The following TNFSF4 variants were observed in gnomAD, a reference collection of about 807,000 sequenced individuals.
TNFSF4 encodes tumor necrosis factor ligand superfamily member 4.
Under a neutral mutation model 7.3 loss-of-function variants are expected in TNFSF4, and 4 were observed. The observed-to-expected ratio is 0.55, with a 90% confidence interval of 0.27 to 1.25. TNFSF4 has a LOEUF of 1.25. Among genes scored for constraint, TNFSF4 ranks in the 50% most tolerant of loss-of-function variants. TNFSF4 has a pLI of 0.12. For synonymous variants in TNFSF4, 76 were observed against 83.7 expected (o/e 0.91, Z 0.50); for missense variants, 181 against 208.8 (o/e 0.87, Z 0.82).
chr1:173,331,701 A>G, the TNFSF4 span, among the ~76,000 whole-genome samples: 61,485 of 152,066 alleles, frequency 0.4, 12,709 homozygotes, highest in East Asian at 0.6. Flanking sequence ...GCCTTAAGAT[A>G]AAGAGAAAAA....
rs1649167139 is a variant in TNFSF4 at position 173,185,099 on chromosome 1, G to A, written c.*1417C>T. The A allele has an allele frequency of 6.6e-6, 1 of 152,180 alleles. No individual in the cohort carries two copies. Among genetic ancestry groups the A allele is most frequent in the Admixed American group, 6.5e-5 (1 of 15,280 alleles). The allele number at this position is 152,180 out of a possible 1,614,324, so 9.4% of individuals were successfully genotyped here. On this transcript the variant is annotated 3_prime_UTR_variant, in exon 3 of 3. Transcript: ENST00000281834. ...TCTGGAGATTCTAGAGATAATTGTA[G>A]CACAGTACAATTCCTTGATAACACA...
the TNFSF4 span, among the ~76,000 whole-genome samples, chr1:173,345,209 G>A: frequency 5.3e-5 from 8 of 152,174 alleles, no homozygotes; most frequent in African/African-American, 1.9e-4. Context: ...GTTTCACAAG[G>A]AATAGGGTCA....
chr1:173,267,667 G>T, the TNFSF4 span, among the ~76,000 whole-genome samples: 1 of 152,142 alleles, frequency 6.6e-6, no homozygotes, highest in African/African-American at 2.4e-5. Context: ...GGAGATTACA[G>T]TTAAGCTGTC....
the TNFSF4 span, among the ~76,000 whole-genome samples, chr1:173,322,400 T>TG: frequency 2.0e-5 from 3 of 151,924 alleles, no homozygotes; most frequent in African/African-American, 4.8e-5. Context: ...ACCTAGATGA[T>TG]GGGGGGTGGA....
At chr1:173,262,487 C>T in the TNFSF4 span, among the ~76,000 whole-genome samples, 3 of 151,800 alleles carry the variant, frequency 2.0e-5, no homozygotes, top group African/African-American at 7.3e-5. Flanking sequence ...CCAGGGCAAT[C>T]AGGCGAGAGA....
At chr1:173,302,635 A>G in the TNFSF4 span, among the ~76,000 whole-genome samples, 1 of 151,956 alleles carries the variant, frequency 6.6e-6, no homozygotes, top group African/African-American at 2.4e-5. Context: ...TGTTTTTACA[A>G]TGTGGCTTCC....
the TNFSF4 span, among the ~76,000 whole-genome samples, chr1:173,394,707 T>C: frequency 6.6e-6 from 1 of 152,132 alleles, no homozygotes; most frequent in African/African-American, 2.4e-5. Context: ...AGACTTACAC[T>C]ATTATTTCCC....
the TNFSF4 span, among the ~76,000 whole-genome samples, chr1:173,445,596 G>A: frequency 6.6e-6 from 1 of 152,164 alleles, no homozygotes; most frequent in South Asian, 2.1e-4. Context: ...GAGTACTGGA[G>A]TAAGTCAGTA....
At chr1:173,347,472 T>C in the TNFSF4 span, among the ~76,000 whole-genome samples, 1 of 152,228 alleles carries the variant, frequency 6.6e-6, no homozygotes, top group African/African-American at 2.4e-5. Context: ...AATGAGACAG[T>C]CTTTCCCATG....
chr1:173,339,411 G>T, the TNFSF4 span, among the ~76,000 whole-genome samples: 2 of 151,816 alleles, frequency 1.3e-5, no homozygotes, highest in African/African-American at 4.8e-5. Flanking sequence ...AACAGCTAAA[G>T]GCAAAGGGAA....
chr1:173,430,205 G>A, the TNFSF4 span, among the ~76,000 whole-genome samples: 1 of 152,232 alleles, frequency 6.6e-6, no homozygotes, highest in African/African-American at 2.4e-5. Flanking sequence ...AGAAAGAACA[G>A]CTGCGCCAAA....
At chr1:173,362,719 C>A in the TNFSF4 span, 211 of 394,720 alleles carry the variant, frequency 5.3e-4, no homozygotes, top group African/African-American at 4.2e-3. Context: ...GTATTAATGA[C>A]AACTTCTTAC....
At chr1:173,428,460 G>C in the TNFSF4 span, among the ~76,000 whole-genome samples, 3 of 152,236 alleles carry the variant, frequency 2.0e-5, no homozygotes, top group South Asian at 6.2e-4. Context: ...GACATGGAAG[G>C]GGAATCTATG....
At chr1:173,289,090 G>A in the TNFSF4 span, among the ~76,000 whole-genome samples, 1 of 152,034 alleles carries the variant, frequency 6.6e-6, no homozygotes, top group Non-Finnish European at 1.5e-5. Flanking sequence ...TGTGAGTTGA[G>A]GGGAACAGGG....
chr1:173,298,520 C>T, the TNFSF4 span, among the ~76,000 whole-genome samples: 1 of 151,868 alleles, frequency 6.6e-6, no homozygotes, highest in Non-Finnish European at 1.5e-5. Context: ...TTCTTCCTCA[C>T]CCCTTCTTTT....
the TNFSF4 span, among the ~76,000 whole-genome samples, chr1:173,373,437 G>C: frequency 1.3e-5 from 2 of 152,158 alleles, no homozygotes; most frequent in South Asian, 4.2e-4. Context: ...ACTTTCACGG[G>C]GGCATAGTTT....
At chr1:173,253,978 A>C in the TNFSF4 span, among the ~76,000 whole-genome samples, 2 of 152,206 alleles carry the variant, frequency 1.3e-5, no homozygotes, top group Non-Finnish European at 2.9e-5. Flanking sequence ...TAGGTCTACT[A>C]TTGAATTTAG....
At chr1:173,392,748 A>G in the TNFSF4 span, among the ~76,000 whole-genome samples, 1 of 152,212 alleles carries the variant, frequency 6.6e-6, no homozygotes. Context: ...GGCAATTTGG[A>G]TAGAAAACAG....
chr1:173,416,408 G>A, the TNFSF4 span, among the ~76,000 whole-genome samples: 10 of 152,068 alleles, frequency 6.6e-5, no homozygotes, highest in African/African-American at 2.4e-4. Flanking sequence ...GCACTACAGA[G>A]GGATGACGGA....
Sources: gnomAD v4.1 joint callset for allele counts (sites outside exome capture counted in the v4.1 genomes callset) on GRCh38, gnomAD v4.1.1 for gene constraint, MANE v1.5 for transcripts, NCBI Gene and HGNC (gene_info 2026-07-23, HGNC 2026-07-21) for gene names.